KIF16B: variants seen among roughly 807,000 people sequenced by gnomAD.
The protein encoded by KIF16B is kinesin-like protein KIF16B.
Under a neutral mutation model 156.3 loss-of-function variants are expected in KIF16B, and 98 were observed. The observed-to-expected ratio is 0.63, with a 90% CI of 0.53 to 0.74. KIF16B has a LOEUF of 0.74. Among genes scored for constraint, KIF16B ranks in the 30% least tolerant of loss-of-function variants. KIF16B has a pLI of 0.00. For missense variants in KIF16B, 1,421 were observed against 1,606.5 expected (o/e 0.88, Z 1.97); for synonymous variants, 564 against 583.7 (o/e 0.97, Z 0.49).
chr20:16,441,291 T>C (rs984915503), intron 12 of KIF16B, among the ~76,000 whole-genome samples: 3 of 152,198 alleles, frequency 2.0e-5, no homozygotes, highest in African/African-American at 7.2e-5. Flanking sequence ...AAATACGTCA[T>C]GCTCATCTTC....
chr20:16,322,182 A>G (rs1230255466), intron 24 of KIF16B, among the ~76,000 whole-genome samples: 3 of 151,986 alleles, frequency 2.0e-5, no homozygotes, highest in Admixed American at 2.0e-4. Context: ...TTCCTATGGA[A>G]CCAAAAAAGA....
chr20:16,295,484 TAA>T (rs1352188462), intron 25 of KIF16B, among the ~76,000 whole-genome samples: 1 of 150,870 alleles, frequency 6.6e-6, no homozygotes, highest in East Asian at 1.9e-4. Flanking sequence ...TATGACTATT[TAA>T]AGTTATACTT....
intron 15 of KIF16B, among the ~76,000 whole-genome samples, chr20:16,423,291 T>C (rs542197353): frequency 3.3e-5 from 5 of 152,162 alleles, no homozygotes; most frequent in Admixed American, 6.6e-5. Context: ...ACTAGTTCTG[T>C]GGCAGAGTTT....
At chr20:16,414,670 C>G (rs2066042685) in intron 15 of KIF16B, among the ~76,000 whole-genome samples, 1 of 152,066 alleles carries the variant, frequency 6.6e-6, no homozygotes, top group Non-Finnish European at 1.5e-5. Flanking sequence ...GAGTTTGAAG[C>G]TTTGTAAAAT....
At chr20:16,445,805 A>C (rs1240406329) in intron 12 of KIF16B, among the ~76,000 whole-genome samples, 2 of 152,156 alleles carry the variant, frequency 1.3e-5, no homozygotes, top group African/African-American at 2.4e-5. Flanking sequence ...ACCATTGAGA[A>C]ACTTCAGTGC....
At chr20:16,408,066 C>A (rs2065831548) in intron 15 of KIF16B, among the ~76,000 whole-genome samples, 1 of 152,126 alleles carries the variant, frequency 6.6e-6, no homozygotes, top group African/African-American at 2.4e-5. Flanking sequence ...CAGGAAATAT[C>A]ATAATACCAG....
intron 3 of KIF16B, among the ~76,000 whole-genome samples, chr20:16,523,359 C>T (rs2069419146): frequency 6.6e-6 from 1 of 152,290 alleles, no homozygotes; most frequent in African/African-American, 2.4e-5. Flanking sequence ...AATCAATGTG[C>T]AAGAATCTCA....
intron 1 of KIF16B, among the ~76,000 whole-genome samples, chr20:16,543,058 A>T: frequency 6.6e-6 from 1 of 152,138 alleles, no homozygotes; most frequent in East Asian, 1.9e-4. Context: ...GAGGAGCCCA[A>T]ACCCGGACCT....
At chr20:16,433,504 A>G (rs2066559253) in intron 12 of KIF16B, among the ~76,000 whole-genome samples, 1 of 152,052 alleles carries the variant, frequency 6.6e-6, no homozygotes, top group South Asian at 2.1e-4. Context: ...TAAGATTTTG[A>G]AAGGCATTGG....
At chr20:16,389,998 G>A (rs1008007056) in intron 17 of KIF16B, among the ~76,000 whole-genome samples, 3 of 152,082 alleles carry the variant, frequency 2.0e-5, no homozygotes, top group South Asian at 2.1e-4. Context: ...CACAGTAGGC[G>A]GACTTACATA....
intron 23 of KIF16B, among the ~76,000 whole-genome samples, chr20:16,340,571 G>A (rs2080115398): frequency 1.3e-5 from 2 of 152,192 alleles, no homozygotes; most frequent in Admixed American, 6.5e-5. Context: ...CTGCCTCTTA[G>A]TGACAATGAA....
intron 1 of KIF16B, among the ~76,000 whole-genome samples, chr20:16,541,401 G>C (rs2070191816): frequency 6.6e-6 from 1 of 152,232 alleles, no homozygotes; most frequent in African/African-American, 2.4e-5. Context: ...GCGGCAGCTT[G>C]TGAGAAACTG....
chr20:16,300,502 CT>C (rs1024192331), intron 25 of KIF16B, among the ~76,000 whole-genome samples: 45 of 151,992 alleles, frequency 3.0e-4, no homozygotes, highest in African/African-American at 1.1e-3. Context: ...CTTTTTCTTT[CT>C]TTTTTATTTT....
intron 1 of KIF16B, among the ~76,000 whole-genome samples, chr20:16,548,911 C>T (rs1382842381): frequency 1.3e-5 from 2 of 151,686 alleles, no homozygotes; most frequent in African/African-American, 2.4e-5. Context: ...ACTGAAAACA[C>T]TAATGCTGTA....
intron 12 of KIF16B, among the ~76,000 whole-genome samples, chr20:16,469,252 C>G (rs13036533): frequency 1.6e-5 from 1 of 61,288 alleles, no homozygotes; most frequent in African/African-American, 6.4e-5. Flanking sequence ...GACCCTGTGT[C>G]TTAAAAAAAA....
At position 16,512,815 on chromosome 20, in the gene KIF16B, A is replaced by G. The variant is rs2068998849; in HGVS notation, c.446+11T>C. On this transcript the variant is annotated intron_variant, in intron 5 of 25. Coordinates refer to ENST00000354981, the MANE Select transcript of KIF16B (RefSeq NM_024704.5). Reference sequence around the variant, plus strand: ...AAGCTCACACACAGTTACCCAGGCCACAGGCCCTACCTGACTTCAGTTCGA... The same window carrying G: ...AAGCTCACACACAGTTACCCAGGCCGCAGGCCCTACCTGACTTCAGTTCGA... 6.2e-7 allele frequency: 1 copy of G among 1,601,490 alleles called. No individual in the cohort carries two copies. The highest frequency in any genetic ancestry group is 1.1e-5 in the South Asian group (1 of 90,818).
intron 25 of KIF16B, among the ~76,000 whole-genome samples, chr20:16,299,515 C>CTCATTTT (rs1260925356): frequency 6.6e-6 from 1 of 152,100 alleles, no homozygotes; most frequent in East Asian, 1.9e-4. Context: ...ATTTTAAGAA[C>CTCATTTT]TCATTTAACA....
intron 3 of KIF16B, among the ~76,000 whole-genome samples, chr20:16,519,812 T>G (rs1343976499): frequency 6.6e-6 from 1 of 152,184 alleles, no homozygotes; most frequent in Non-Finnish European, 1.5e-5. Context: ...TCAATTGAAG[T>G]ACCCGGCTGG....
intron 15 of KIF16B, among the ~76,000 whole-genome samples, chr20:16,414,855 T>C (rs1280664574): frequency 6.6e-6 from 1 of 152,146 alleles, no homozygotes; most frequent in Non-Finnish European, 1.5e-5. Context: ...AACTTTATGA[T>C]GGTGCAAGAG....
Sources: gnomAD v4.1 joint callset for allele counts (sites outside exome capture counted in the v4.1 genomes callset) on GRCh38, gnomAD v4.1.1 for gene constraint, MANE v1.5 for transcripts, NCBI Gene and HGNC (gene_info 2026-07-23, HGNC 2026-07-21) for gene names.